The following TBC1D32 variants were observed in gnomAD, a reference collection of about 807,000 sequenced individuals.
TBC1D32 encodes protein broad-minded.
Under a neutral mutation model 170.3 loss-of-function variants are expected in TBC1D32, and 151 were observed. The ratio of observed to expected loss-of-function variants is 0.89; its 90% confidence interval spans 0.78 to 1.01. TBC1D32 has a LOEUF of 1.01. Ranked by LOEUF, TBC1D32 falls within the 50% of genes least tolerant of loss-of-function variation. The pLI is 0.00. For missense variants in TBC1D32, 1,464 were observed against 1,457.1 expected, an observed-to-expected ratio of 1.00 and a Z score of -0.08; for synonymous variants, 498 against 488.0, an observed-to-expected ratio of 1.02 and a Z score of -0.27.
intron 17 of TBC1D32, among the ~76,000 whole-genome samples, 200 bp downstream of exon 17, chr6:121,255,128 A>G (rs576746521): frequency 3.0e-4 from 46 of 152,130 alleles, no homozygotes; most frequent in African/African-American, 1.1e-3. Context: ...AACAAGTATA[A>G]TAAATATTGT....
intron 24 of TBC1D32, among the ~76,000 whole-genome samples, chr6:121,134,422 G>A (rs1280221561): frequency 1.3e-5 from 2 of 152,012 alleles, no homozygotes; most frequent in African/African-American, 4.8e-5. Flanking sequence ...AAGAACACAA[G>A]GCACTATAAT....
intron 31 of TBC1D32, among the ~76,000 whole-genome samples, chr6:121,088,363 G>C (rs962062266): frequency 3.3e-5 from 5 of 152,084 alleles, no homozygotes; most frequent in African/African-American, 1.2e-4. Flanking sequence ...AGCTTCAGTT[G>C]AATGAGGAAT....
intron 17 of TBC1D32, among the ~76,000 whole-genome samples, chr6:121,245,948 G>C (rs1405865607): frequency 6.6e-6 from 1 of 152,112 alleles, no homozygotes; most frequent in Non-Finnish European, 1.5e-5. Context: ...TAAAACCTCA[G>C]TACATCTAAT....
chr6:121,233,744 A>T (rs183869794), intron 20 of TBC1D32, among the ~76,000 whole-genome samples: 1,575 of 152,276 alleles, frequency 0.01, 10 homozygotes, highest in Admixed American at 0.016. Context: ...TGTTCTATTC[A>T]TCAAGCTATT....
chr6:121,314,274 C>A (rs1808627892), intron 3 of TBC1D32, among the ~76,000 whole-genome samples: 1 of 152,200 alleles, frequency 6.6e-6, no homozygotes, highest in African/African-American at 2.4e-5. Flanking sequence ...TTCTCTTACA[C>A]AGACCCTTGT....
chr6:121,190,188 C>T (rs907804437), intron 22 of TBC1D32, among the ~76,000 whole-genome samples: 2 of 145,864 alleles, frequency 1.4e-5, no homozygotes, highest in African/African-American at 5.1e-5. Context: ...TCCCGGCAAG[C>T]CTCCCGCTCT....
At chr6:121,204,082 T>C (rs929127184) in intron 22 of TBC1D32, among the ~76,000 whole-genome samples, 2 of 113,258 alleles carry the variant, frequency 1.8e-5, no homozygotes, top group Non-Finnish European at 4.1e-5. Context: ...ACATACTTGT[T>C]ATGCAAAAGG....
At chr6:121,175,943 A>G (rs1787703883) in intron 22 of TBC1D32, among the ~76,000 whole-genome samples, 4 of 152,220 alleles carry the variant, frequency 2.6e-5, no homozygotes, top group South Asian at 2.1e-4. Context: ...TCCTAATCAC[A>G]TAAATTTCAA....
chr6:121,112,724 T>A, intron 28 of TBC1D32, 65 bp from the exon 29 acceptor site: 2 of 1,283,680 alleles, frequency 1.6e-6, no homozygotes, highest in Non-Finnish European at 2.1e-6. Flanking sequence ...ATTCTGTAAA[T>A]AAAATAAAAT....
At chr6:121,324,502 T>C (rs568741839) in intron 1 of TBC1D32, among the ~76,000 whole-genome samples, 23 of 152,232 alleles carry the variant, frequency 1.5e-4, no homozygotes, top group East Asian at 3.9e-4. Context: ...TAACATTAGA[T>C]TGAAATAGCA....
chr6:121,131,641 A>G lies in TBC1D32; in HGVS notation c.2885T>C (p.Ile962Thr), dbSNP rs181607730. The G allele has an allele frequency of 4.5e-5, 72 of 1,611,434 alleles. 2 individuals are homozygous for G. The African/African-American group carries it at 8.0e-4, about 18-fold the overall frequency. The change falls in exon 25 of 32, where the codon ATA becomes ACA. Residue 962 changes from isoleucine to threonine, a missense_variant. By Grantham distance (89) the Ile-to-Thr change is moderately conservative (BLOSUM62 -1). Transcript: ENST00000398212. ...FCKMMKAKPDIISGEALIELL... is the reference protein window; with the variant it reads ...FCKMMKAKPDTISGEALIELL... ...AATGTACTTACCCTCTCCACTGATTATATCAGGTTTGGCTTTCATCATTTT... is the reference window on the plus strand; with the variant it reads ...AATGTACTTACCCTCTCCACTGATTGTATCAGGTTTGGCTTTCATCATTTT...
chr6:121,305,422 T>C (rs891263410), intron 5 of TBC1D32, among the ~76,000 whole-genome samples: 2 of 152,040 alleles, frequency 1.3e-5, no homozygotes, highest in Admixed American at 6.6e-5. Flanking sequence ...ATGGTAGCTA[T>C]TATTATCCCT....
At chr6:121,272,628 T>C (rs1263808041) in intron 15 of TBC1D32, among the ~76,000 whole-genome samples, 1 of 152,110 alleles carries the variant, frequency 6.6e-6, no homozygotes, top group African/African-American at 2.4e-5. Flanking sequence ...GGAGAGGATG[T>C]GGAGAAATAG....
chr6:121,282,207 T>G lies in TBC1D32; in HGVS notation c.1466-521A>C, dbSNP rs1803118467. ...ACTTCTTGTATTACCATAAAGCCAG[T>G]GAAAACAAAGATCATTTTTTAGATT... On this transcript the variant is annotated intron_variant, in intron 13 of 31. Transcript: ENST00000398212. 2.0e-5 allele frequency among the ~76,000 whole-genome samples: 3 copies of G among 151,644 alleles called. No homozygotes were observed. In the South Asian group the frequency reaches 6.2e-4, roughly 31 times the overall value.
At chr6:121,242,064 A>C in intron 18 of TBC1D32, 137 bp downstream of exon 18, 1 of 837,616 alleles carries the variant, frequency 1.2e-6, no homozygotes, top group Non-Finnish European at 1.8e-6. Flanking sequence ...AAAAAAATCA[A>C]GTTGACTATT....
intron 5 of TBC1D32, among the ~76,000 whole-genome samples, chr6:121,307,375 C>CA (rs1225508654): frequency 3.3e-5 from 5 of 151,790 alleles, no homozygotes; most frequent in Non-Finnish European, 7.4e-5. Flanking sequence ...GACCCTGTCT[C>CA]AAAAAACAAA....
At chr6:121,272,420 C>G (rs1441803486) in intron 15 of TBC1D32, among the ~76,000 whole-genome samples, 2 of 151,732 alleles carry the variant, frequency 1.3e-5, no homozygotes, top group East Asian at 3.9e-4. Context: ...AGAAAAAAAA[C>G]AAACAACCCC....
intron 13 of TBC1D32, 51 bp downstream of exon 13, chr6:121,283,767 A>T: frequency 7.3e-7 from 1 of 1,372,666 alleles, no homozygotes; most frequent in East Asian, 2.5e-5. Context: ...AGAATACTTA[A>T]ATATTTTTAG....
intron 12 of TBC1D32, among the ~76,000 whole-genome samples, chr6:121,284,459 C>G (rs1283554441): frequency 6.6e-6 from 1 of 152,066 alleles, no homozygotes; most frequent in Non-Finnish European, 1.5e-5. Context: ...TTTGTGTGCA[C>G]TAAAATTTAA....
Sources: gnomAD v4.1 joint callset for allele counts (sites outside exome capture counted in the v4.1 genomes callset) on GRCh38, gnomAD v4.1.1 for gene constraint, MANE v1.5 for transcripts, NCBI Gene and HGNC (gene_info 2026-07-23, HGNC 2026-07-21) for gene names.